Variants in PARP8 observed in about 807,000 individuals in gnomAD.
PARP8 encodes the protein protein mono-ADP-ribosyltransferase PARP8.
PARP8 carries 51 observed loss-of-function variants against 124.1 expected under a neutral mutation model. That is an observed-to-expected ratio of 0.41 (90% confidence interval 0.33 to 0.52). PARP8 has a LOEUF of 0.52. Ranked by LOEUF, PARP8 falls within the 20% of genes least tolerant of loss-of-function variation. The pLI is 0.21. For missense variants in PARP8, 860 were observed against 1,018.9 expected, an observed-to-expected ratio of 0.84 and a Z score of 2.12; for synonymous variants, 391 against 361.5, an observed-to-expected ratio of 1.08 and a Z score of -0.93.
chr5:50,735,956 T>TCCCC (rs374675045), intron 2 of PARP8, among the ~76,000 whole-genome samples: 12 of 134,398 alleles, frequency 8.9e-5, no homozygotes, highest in African/African-American at 1.4e-4. Flanking sequence ...TCTAGGGGAT[T>TCCCC]CCCCCCCCCC....
Position 50,826,812 on chromosome 5 carries a change from T to G in PARP8, c.1977+9T>G, listed in dbSNP as rs1439045532. ...AACTGCCAGTTAACAGGGTAAGTTG[T>G]TTTTTTTTTTTTTACATATGCATAC... is the stretch of plus-strand genomic sequence containing the variant. On this transcript the variant is annotated intron_variant, in intron 19 of 25. Transcript: ENST00000281631. 1 of 198,194 alleles carries G rather than the reference T, an allele frequency of 5.0e-6. No individual in the cohort carries two copies. Among genetic ancestry groups the G allele is most frequent in the East Asian group, 9.5e-5 (1 of 10,518 alleles). 12.3% of individuals were successfully genotyped at this position (198,194 alleles called of 1,614,324 possible).
intron 7 of PARP8, among the ~76,000 whole-genome samples, chr5:50,766,795 G>A (rs1234241389): frequency 2.0e-5 from 3 of 152,028 alleles, no homozygotes; most frequent in Non-Finnish European, 2.9e-5. Flanking sequence ...CTGAGAATTT[G>A]GGGTGGCTTA....
intron 6 of PARP8, among the ~76,000 whole-genome samples, chr5:50,762,554 A>G (rs1760654005): frequency 6.6e-6 from 1 of 152,186 alleles, no homozygotes. Flanking sequence ...GTTGGATAGT[A>G]TAATGGGAGG....
chr5:50,788,444 C>A (rs762939575), intron 9 of PARP8, 79 bp from the exon 10 acceptor site: 6 of 1,298,358 alleles, frequency 4.6e-6, no homozygotes, highest in South Asian at 3.7e-5. Context: ...ATATATAATG[C>A]GATTTCAACC....
chr5:50,807,080 GT>G (rs909977592), intron 14 of PARP8, among the ~76,000 whole-genome samples: 76 of 145,456 alleles, frequency 5.2e-4, no homozygotes, highest in South Asian at 1.1e-3. Flanking sequence ...ACTGTCCCAT[GT>G]TTTTTTTTTT....
Position 50,768,007 on chromosome 5 carries a change from A to G in PARP8, c.518+4765A>G, listed in dbSNP as rs190622875. ...CATGCATGCACGTATGTGTATATAC[A>G]TATATGTGTGTGTGTGTGTGTGTGT... On this transcript the variant is annotated intron_variant, in intron 7 of 25. Coordinates refer to ENST00000281631, the MANE Select transcript of PARP8 (RefSeq NM_024615.4). 2.9e-3 allele frequency among the ~76,000 whole-genome samples: 439 copies of G among 150,156 alleles called. 3 individuals are homozygous for G. The highest frequency in any genetic ancestry group is 0.01 in the Middle Eastern group (3 of 292).
At position 50,842,482 on chromosome 5, in the gene PARP8, C is replaced by T; in HGVS notation, c.*414C>T. The T allele has an allele frequency of 6.1e-6, 1 of 165,006 alleles. No individual in the cohort carries two copies. Among genetic ancestry groups the T allele is most frequent in the Non-Finnish European group, 1.3e-5 (1 of 76,598 alleles). 10.2% of individuals were successfully genotyped at this position (165,006 alleles called of 1,614,324 possible). ...TATCAGATACTTTGCAATAAGTATA[C>T]TGTTTGCACATTCTGATGTGCTATA... is the stretch of plus-strand genomic sequence containing the variant. On this transcript the variant is annotated 3_prime_UTR_variant, in exon 26 of 26. Coordinates refer to ENST00000281631, the MANE Select transcript of PARP8 (RefSeq NM_024615.4).
intron 2 of PARP8, among the ~76,000 whole-genome samples, chr5:50,736,541 G>A (rs1243495313): frequency 6.6e-6 from 1 of 152,104 alleles, no homozygotes; most frequent in Non-Finnish European, 1.5e-5. Flanking sequence ...GGATACCAAA[G>A]ATTCTTTGCT....
chr5:50,769,216 T>TG (rs1561353225), intron 7 of PARP8, among the ~76,000 whole-genome samples: 15 of 152,114 alleles, frequency 9.9e-5, no homozygotes, highest in Admixed American at 3.3e-4. Context: ...TATGGTAAAT[T>TG]CTGTTGAAGT....
At chr5:50,732,284 T>C (rs1757046908) in intron 2 of PARP8, among the ~76,000 whole-genome samples, 1 of 152,200 alleles carries the variant, frequency 6.6e-6, no homozygotes, top group African/African-American at 2.4e-5. Context: ...ATGAATTATA[T>C]ACAATATGGA....
At chr5:50,823,558 C>T (rs1260207509) in intron 17 of PARP8, among the ~76,000 whole-genome samples, 1 of 151,924 alleles carries the variant, frequency 6.6e-6, no homozygotes. Flanking sequence ...GGAAAGAAAA[C>T]AATAAAATGT....
intron 7 of PARP8, among the ~76,000 whole-genome samples, chr5:50,777,682 T>TA (rs1287382549): frequency 6.6e-6 from 1 of 152,200 alleles, no homozygotes; most frequent in Non-Finnish European, 1.5e-5. Flanking sequence ...GTCTTCCCTA[T>TA]ACTCCTTCCT....
At chr5:50,709,883 TGGG>T (rs1303780623) in intron 2 of PARP8, among the ~76,000 whole-genome samples, 2 of 117,286 alleles carry the variant, frequency 1.7e-5, no homozygotes, top group Non-Finnish European at 3.6e-5. Context: ...GTGTTTGTGT[TGGG>T]GGGGAGAGAC....
intron 7 of PARP8, among the ~76,000 whole-genome samples, chr5:50,764,907 A>G (rs1374939311): frequency 6.6e-6 from 1 of 151,844 alleles, no homozygotes; most frequent in African/African-American, 2.4e-5. Context: ...ACACCAAAAT[A>G]TGTCTATGGG....
At chr5:50,729,211 A>G (rs1377515633) in intron 2 of PARP8, among the ~76,000 whole-genome samples, 1 of 152,086 alleles carries the variant, frequency 6.6e-6, no homozygotes, top group Non-Finnish European at 1.5e-5. Flanking sequence ...TGTTATAGGA[A>G]CTCTGGATAA....
chr5:50,826,032 ATT>A, intron 18 of PARP8, among the ~76,000 whole-genome samples: 1 of 151,890 alleles, frequency 6.6e-6, no homozygotes. Context: ...TAACCTTTAA[ATT>A]TTTCTCATTG....
In PARP8 at chr5:50,708,825, A is replaced by T. The variant is rs1373616487; in HGVS notation, c.146+40700A>T. ...AGAGACAGTGTCTTACCCGTCAACC[A>T]GGCTGGAGTGCAGTGGCATAATCAT... is the stretch of plus-strand genomic sequence containing the variant. On this transcript the variant is annotated intron_variant, in intron 2 of 25. Transcript: ENST00000281631. 2.0e-5 allele frequency among the ~76,000 whole-genome samples: 3 copies of T among 151,958 alleles called. No individual in the cohort carries two copies. The East Asian group carries it at 5.8e-4, about 29-fold the overall frequency.
At chr5:50,803,889 G>C (rs1743516095) in intron 14 of PARP8, among the ~76,000 whole-genome samples, 1 of 151,816 alleles carries the variant, frequency 6.6e-6, no homozygotes, top group Admixed American at 6.6e-5. Flanking sequence ...ATTGAAAACT[G>C]GACATTTTAA....
chr5:50,783,186 A>G (rs545744551), intron 9 of PARP8, among the ~76,000 whole-genome samples: 44 of 151,476 alleles, frequency 2.9e-4, no homozygotes, highest in Non-Finnish European at 6.0e-4. Context: ...AAGAGAGAAG[A>G]GGGAAGGGGA....
Sources: gnomAD v4.1 joint callset for allele counts (sites outside exome capture counted in the v4.1 genomes callset) on GRCh38, gnomAD v4.1.1 for gene constraint, MANE v1.5 for transcripts, NCBI Gene and HGNC (gene_info 2026-07-23, HGNC 2026-07-21) for gene names.